Variants in SMARCC1 observed in about 807,000 individuals in gnomAD.
The protein encoded by SMARCC1 is SWI/SNF complex subunit SMARCC1.
In SMARCC1, 43 loss-of-function variants were observed where a neutral mutation model predicts 147.4. The observed-to-expected ratio is 0.29, with a 90% confidence interval of 0.23 to 0.38. SMARCC1 has a LOEUF of 0.38. Ranked by LOEUF, SMARCC1 falls within the 10% of genes least tolerant of loss-of-function variation. SMARCC1 has a pLI of 1.00. For synonymous variants in SMARCC1, 495 were observed against 484.4 expected, an observed-to-expected ratio of 1.02 and a Z score of -0.29; for missense variants, 1,119 against 1,381.1, an observed-to-expected ratio of 0.81 and a Z score of 3.01.
At chr3:47,626,082 A>T (rs987190216) in intron 24 of SMARCC1, among the ~76,000 whole-genome samples, 1 of 151,932 alleles carries the variant, frequency 6.6e-6, no homozygotes, top group African/African-American at 2.4e-5. Context: ...TGAGTCTGGG[A>T]GTTTGAGGCT....
chr3:47,718,001 A>C (rs2034179308), intron 7 of SMARCC1, among the ~76,000 whole-genome samples: 1 of 151,842 alleles, frequency 6.6e-6, no homozygotes, highest in South Asian at 2.1e-4. Flanking sequence ...CCCGCCAACA[A>C]AAAATTAAAA....
rs1177388689 is a variant in SMARCC1 at position 47,781,628 on chromosome 3, A to C, written c.170T>G (p.Val57Gly). The C allele has an allele frequency of 6.4e-7, 1 of 1,554,280 alleles. No individual in the cohort carries two copies. Among genetic ancestry groups the C allele is most frequent in the Non-Finnish European group, 8.7e-7 (1 of 1,154,630 alleles). Residue 57 changes from valine to glycine, a missense_variant, in exon 1 of 28, where the codon GTC becomes GGC. This residue lies in a region of SMARCC1 where 542 missense variants were observed against 611.8 expected (regional missense o/e 0.89). Coordinates refer to ENST00000254480, the MANE Select transcript of SMARCC1 (RefSeq NM_003074.4). The part of the protein sequence containing the change: ...ETVSQLDSVR[V>G]WLGKHYKKYV... ...CTTCTTGTAGTGCTTGCCCAGCCAG[A>C]CCCGCACCGAATCCAGCTGGGACAC...
chr3:47,745,707 C>T (rs1297351135), intron 3 of SMARCC1, among the ~76,000 whole-genome samples: 1 of 152,024 alleles, frequency 6.6e-6, no homozygotes, highest in African/African-American at 2.4e-5. Context: ...CTTGGTTGGT[C>T]CTATTTTTAA....
chr3:47,620,491 G>GT (rs1283270701), intron 25 of SMARCC1, among the ~76,000 whole-genome samples: 2 of 150,772 alleles, frequency 1.3e-5, no homozygotes, highest in Non-Finnish European at 3.0e-5. Flanking sequence ...ATTTGTTTTT[G>GT]TTTTTTTTCC....
chr3:47,611,557 T>A (rs530173219), intron 25 of SMARCC1, among the ~76,000 whole-genome samples: 1 of 152,254 alleles, frequency 6.6e-6, no homozygotes, highest in Non-Finnish European at 1.5e-5. Flanking sequence ...CACATATTTC[T>A]GTCCAATAGC....
At chr3:47,660,140 T>C (rs1449224878) in intron 21 of SMARCC1, among the ~76,000 whole-genome samples, 4 of 152,092 alleles carry the variant, frequency 2.6e-5, no homozygotes, top group Non-Finnish European at 4.4e-5. Context: ...GCATTTTTCA[T>C]AGTAGTATAA....
rs1429548164 is a variant in SMARCC1, at chr3:47,661,457, T to C, written c.2159-2A>G. ...CCTCCCGGACCCGAGAAAACTCCTCTGGTTCAAGAATAAAAATGGAACAGC... is the reference window on the plus strand; with the variant it reads ...CCTCCCGGACCCGAGAAAACTCCTCCGGTTCAAGAATAAAAATGGAACAGC... On this transcript the variant is annotated splice_acceptor_variant, in intron 20 of 27. Coordinates refer to ENST00000254480, the MANE Select transcript of SMARCC1 (RefSeq NM_003074.4). LOFTEE classifies it high-confidence loss of function. The C allele has an allele frequency of 1.9e-6, 3 of 1,593,828 alleles. No individual in the cohort carries two copies. Among genetic ancestry groups the C allele is most frequent in the Non-Finnish European group, 2.6e-6 (3 of 1,174,348 alleles).
intron 25 of SMARCC1, among the ~76,000 whole-genome samples, chr3:47,619,806 G>A (rs2032700861): frequency 6.6e-6 from 1 of 152,182 alleles, no homozygotes; most frequent in Non-Finnish European, 1.5e-5. Context: ...TAGAGTTGGG[G>A]TAGGAGAGCT....
chr3:47,665,074 C>T (rs2033405070), intron 19 of SMARCC1, among the ~76,000 whole-genome samples: 1 of 152,004 alleles, frequency 6.6e-6, no homozygotes, highest in Admixed American at 6.6e-5. Context: ...CTCAAGGAAT[C>T]CTCCCGCCTC....
At chr3:47,751,810 G>A (rs914386675) in intron 2 of SMARCC1, among the ~76,000 whole-genome samples, 3 of 151,950 alleles carry the variant, frequency 2.0e-5, no homozygotes, top group African/African-American at 7.3e-5. Flanking sequence ...TTGGCCAGGC[G>A]CAGTAGCTCA....
chr3:47,736,146 A>C lies in SMARCC1; in HGVS notation c.484-20T>G. ...ATTGTTCTGAGGATGAAAAGAACAG[A>C]CTTTCAAATTCTCTTAGTTTTGAAA... On this transcript the variant is annotated intron_variant, in intron 4 of 27. Transcript: ENST00000254480. 7.5e-7 allele frequency: 1 copy of C among 1,326,162 alleles called. No homozygotes were observed. The highest frequency in any genetic ancestry group is 1.1e-6 in the Non-Finnish European group (1 of 934,676). The allele number at this position is 1,326,162 out of a possible 1,614,324, so 82.1% of individuals were successfully genotyped here.
intron 2 of SMARCC1, among the ~76,000 whole-genome samples, chr3:47,771,569 A>G (rs964008682): frequency 1.3e-5 from 2 of 151,772 alleles, no homozygotes; most frequent in African/African-American, 2.4e-5. Context: ...GTGAAACCCC[A>G]TATCTACTAA....
At chr3:47,717,329 T>C (rs530582089) in intron 7 of SMARCC1, among the ~76,000 whole-genome samples, 8 of 152,260 alleles carry the variant, frequency 5.3e-5, no homozygotes, top group South Asian at 2.1e-4. Context: ...AGTGCTGCCA[T>C]TGAAAAACTC....
Position 47,682,223 on chromosome 3 carries a change from A to C in SMARCC1, c.1386-1715T>G, listed in dbSNP as rs2033653345. The stretch of plus-strand genomic sequence containing the variant: ...GACGGGAGAATGGCGTGAACCCGGA[A>C]GGCGGAGCTTGCAGTGAGCCGATAT... On this transcript the variant is annotated intron_variant, in intron 14 of 27. Transcript: ENST00000254480. Among the ~76,000 whole-genome samples, 5 of 149,698 alleles carry C rather than the reference A, an allele frequency of 3.3e-5. No homozygotes were observed. The South Asian group carries it at 1.1e-3, about 33-fold the overall frequency.
intron 5 of SMARCC1, among the ~76,000 whole-genome samples, chr3:47,733,478 G>A (rs1021586314): frequency 1.3e-5 from 2 of 151,972 alleles, no homozygotes; most frequent in Non-Finnish European, 2.9e-5. Context: ...CAAGAAGGCC[G>A]GGCAAGGTGG....
At chr3:47,643,899 A>C (rs913087105) in intron 21 of SMARCC1, among the ~76,000 whole-genome samples, 2 of 152,178 alleles carry the variant, frequency 1.3e-5, no homozygotes, top group Admixed American at 6.5e-5. Context: ...ATTATAAAAA[A>C]CCCCAAAATG....
At chr3:47,732,880 G>T (rs1261279001) in intron 5 of SMARCC1, among the ~76,000 whole-genome samples, 3 of 150,550 alleles carry the variant, frequency 2.0e-5, no homozygotes, top group East Asian at 4.0e-4. Context: ...GAGGCCGAGG[G>T]GGGTGGATCA....
intron 15 of SMARCC1, among the ~76,000 whole-genome samples, chr3:47,679,079 T>G (rs867694959): frequency 6.6e-6 from 1 of 152,084 alleles, no homozygotes; most frequent in Non-Finnish European, 1.5e-5. Context: ...TGTCACAAAA[T>G]ATAGTACTTA....
At chr3:47,683,698 T>C (rs1443421403) in intron 14 of SMARCC1, among the ~76,000 whole-genome samples, 1 of 151,710 alleles carries the variant, frequency 6.6e-6, no homozygotes, top group African/African-American at 2.4e-5. Context: ...CACTCCAGCC[T>C]GGGCAACAGA....
Sources: gnomAD v4.1 joint callset for allele counts (sites outside exome capture counted in the v4.1 genomes callset) on GRCh38, gnomAD v4.1.1 for gene constraint, gnomAD v4.1.1 regional missense constraint, MANE v1.5 for transcripts, NCBI Gene and HGNC (gene_info 2026-07-23, HGNC 2026-07-21) for gene names.